The following MAP2 variants were observed in gnomAD, a reference collection of about 807,000 sequenced individuals.
The protein encoded by MAP2 is microtubule-associated protein 2.
A neutral mutation model predicts 137.6 loss-of-function variants in MAP2; 14 were observed. The observed-to-expected ratio is 0.10, with a 90% confidence interval of 0.07 to 0.16. The LOEUF (loss-of-function observed/expected upper bound fraction) is 0.16. Among genes scored for constraint, MAP2 ranks in the 10% least tolerant of loss-of-function variants. The probability of loss-of-function intolerance (pLI) is 1.00; values close to 1 mark genes in which losing one functional copy is unlikely to be tolerated. For missense variants in MAP2, 2,088 were observed against 2,191.5 expected (o/e 0.95, Z 0.94); for synonymous variants, 786 against 782.3 (o/e 1.00, Z -0.08).
At chr2:209,720,798 A>G (rs551024131) in intron 13 of MAP2, among the ~76,000 whole-genome samples, 2 of 152,184 alleles carry the variant, frequency 1.3e-5, no homozygotes, top group South Asian at 2.1e-4. Flanking sequence ...TTTCTAGACA[A>G]TCTCTAAGAT....
chr2:209,513,747 C>T (rs1323139624), intron 2 of MAP2, among the ~76,000 whole-genome samples: 2 of 151,996 alleles, frequency 1.3e-5, no homozygotes, highest in South Asian at 2.1e-4. Flanking sequence ...CTCAGGATGT[C>T]AGGCTGTCAA....
intron 3 of MAP2, among the ~76,000 whole-genome samples, chr2:209,618,671 C>A (rs1409749127): frequency 2.0e-5 from 3 of 152,000 alleles, no homozygotes; most frequent in African/African-American, 7.2e-5. Context: ...AGACACTTGC[C>A]CACTGTTGAT....
intron 3 of MAP2, among the ~76,000 whole-genome samples, chr2:209,596,037 C>T (rs549276778): frequency 6.1e-4 from 93 of 151,906 alleles, no homozygotes; most frequent in African/African-American, 2.1e-3. Flanking sequence ...CAAACCAACA[C>T]GGCACATGTA....
chr2:209,619,769 A>G (rs925140451), intron 3 of MAP2, among the ~76,000 whole-genome samples: 1 of 152,216 alleles, frequency 6.6e-6, no homozygotes, highest in Non-Finnish European at 1.5e-5. Flanking sequence ...GAATCCTAAC[A>G]TAGCTACAGG....
intron 1 of MAP2, among the ~76,000 whole-genome samples, chr2:209,482,465 T>C (rs924138305): frequency 6.6e-6 from 1 of 152,198 alleles, no homozygotes. Context: ...TCAGCCTCTC[T>C]AAAAGCTATG....
chr2:209,564,109 C>T (rs971422525), intron 2 of MAP2, among the ~76,000 whole-genome samples: 3 of 151,222 alleles, frequency 2.0e-5, no homozygotes, highest in African/African-American at 7.4e-5. Flanking sequence ...CCTGTTATTA[C>T]CGATCGCAGC....
intron 2 of MAP2, among the ~76,000 whole-genome samples, chr2:209,528,778 A>ATATG (rs2064534231): frequency 6.8e-6 from 1 of 147,848 alleles, no homozygotes. Context: ...GTATATGTAC[A>ATATG]TATGTATGTA....
At chr2:209,495,135 A>T (rs1003995915) in intron 1 of MAP2, among the ~76,000 whole-genome samples, 1 of 152,246 alleles carries the variant, frequency 6.6e-6, no homozygotes. Flanking sequence ...GCCTCTGTAG[A>T]TTCCTCCTCT....
At chr2:209,454,796 CATT>C (rs1284763393) in intron 1 of MAP2, among the ~76,000 whole-genome samples, 2 of 151,170 alleles carry the variant, frequency 1.3e-5, no homozygotes, top group Admixed American at 6.6e-5. Context: ...GCATTGCACT[CATT>C]GTGTGTGTGT....
intron 5 of MAP2, among the ~76,000 whole-genome samples, chr2:209,674,562 A>G (rs2050373312): frequency 6.6e-6 from 1 of 151,770 alleles, no homozygotes; most frequent in South Asian, 2.1e-4. Flanking sequence ...AGTCTGTGAG[A>G]TTCCCTCTGA....
intron 4 of MAP2, among the ~76,000 whole-genome samples, chr2:209,633,944 G>A (rs1281391394): frequency 6.6e-6 from 1 of 152,140 alleles, no homozygotes; most frequent in Non-Finnish European, 1.5e-5. Flanking sequence ...CTCTGCTTTT[G>A]GCAAACATCA....
chr2:209,645,034 A>G (rs952133589), intron 4 of MAP2, among the ~76,000 whole-genome samples: 2 of 152,194 alleles, frequency 1.3e-5, no homozygotes, highest in African/African-American at 4.8e-5. Context: ...TCTGGGAAAT[A>G]TGACAGCTGT....
intron 2 of MAP2, among the ~76,000 whole-genome samples, chr2:209,569,195 C>G (rs2073991060): frequency 6.6e-6 from 1 of 151,702 alleles, no homozygotes. Flanking sequence ...CTAACCAAGA[C>G]CCAAAATAAA....
At chr2:209,703,963 ATTTT>A (rs1334818385) in intron 11 of MAP2, 2 of 455,336 alleles carry the variant, frequency 4.4e-6, no homozygotes, top group African/African-American at 4.0e-5. Flanking sequence ...TGTATAACAG[ATTTT>A]TTATTTTATT....
chr2:209,553,753 A>G (rs772164924), intron 2 of MAP2, among the ~76,000 whole-genome samples: 16 of 152,192 alleles, frequency 1.1e-4, no homozygotes, highest in Non-Finnish European at 2.4e-4. Context: ...GGCGTATTTG[A>G]GAATGTTATC....
Position 209,693,049 on chromosome 2 carries a change from G to A in MAP2, c.879G>A (p.Arg293=), listed in dbSNP as rs373965031. Reference sequence around the variant, plus strand: ...CTCCTGGCCCTCTGACTCCCATGAGGGAAAAAGATGTATTTGATGATATCC... The same window carrying A: ...CTCCTGGCCCTCTGACTCCCATGAGAGAAAAAGATGTATTTGATGATATCC... ...PISPGPLTPM[R]EKDVFDDIPK... Residue 293 remains arginine (R), a synonymous_variant, in exon 8 of 16, where the codon AGG becomes AGA. Coordinates refer to ENST00000682079, the MANE Select transcript of MAP2 (RefSeq NM_001375505.1). The A allele has an allele frequency of 8.7e-6, 14 of 1,612,280 alleles. No individual in the cohort carries two copies. The highest frequency in any genetic ancestry group is 1.1e-5 in the Non-Finnish European group (13 of 1,179,498).
At chr2:209,561,950 G>A (rs2072214750) in intron 2 of MAP2, among the ~76,000 whole-genome samples, 1 of 152,112 alleles carries the variant, frequency 6.6e-6, no homozygotes, top group Non-Finnish European at 1.5e-5. Flanking sequence ...TCCGCAAGTA[G>A]CTAACTCTGG....
chr2:209,472,639 C>T (rs770167521), intron 1 of MAP2, among the ~76,000 whole-genome samples: 32 of 151,930 alleles, frequency 2.1e-4, no homozygotes, highest in Admixed American at 1.8e-3. Context: ...AGAAGTTAAG[C>T]ACTAATTACC....
At chr2:209,635,073 G>A (rs1027749801) in intron 4 of MAP2, among the ~76,000 whole-genome samples, 1 of 151,786 alleles carries the variant, frequency 6.6e-6, no homozygotes, top group Non-Finnish European at 1.5e-5. Flanking sequence ...CTCCAGCCTG[G>A]GTGACACAGC....
Sources: gnomAD v4.1 joint callset for allele counts (sites outside exome capture counted in the v4.1 genomes callset) on GRCh38, gnomAD v4.1.1 for gene constraint, MANE v1.5 for transcripts, NCBI Gene and HGNC (gene_info 2026-07-23, HGNC 2026-07-21) for gene names.